TBC1D5: variants seen among roughly 807,000 people sequenced by gnomAD.
TBC1D5 encodes TBC1 domain family, member 5.
TBC1D5 carries 75 observed loss-of-function variants against 100.3 expected under a neutral mutation model. The ratio of observed to expected loss-of-function variants is 0.75; its 90% CI spans 0.62 to 0.91. TBC1D5 has a LOEUF of 0.91. TBC1D5 is among the 40% of genes least tolerant of loss of function. TBC1D5 has a pLI of 0.00. For missense variants in TBC1D5, 910 were observed against 942.4 expected (o/e 0.97, Z 0.45); for synonymous variants, 323 against 325.6 (o/e 0.99, Z 0.09).
At chr3:17,361,747 T>C (rs1222695491) in intron 13 of TBC1D5, among the ~76,000 whole-genome samples, 2 of 151,968 alleles carry the variant, frequency 1.3e-5, no homozygotes, top group East Asian at 3.9e-4. Flanking sequence ...AACCAGTGCT[T>C]AGGAAGTAAC....
intron 1 of TBC1D5, among the ~76,000 whole-genome samples, chr3:17,660,108 A>T (rs1380147109): frequency 2.0e-5 from 3 of 152,204 alleles, no homozygotes; most frequent in African/African-American, 7.2e-5. Flanking sequence ...CAATCTCCAC[A>T]TAACAAAGAA....
intron 15 of TBC1D5, among the ~76,000 whole-genome samples, chr3:17,264,956 A>G (rs1337020323): frequency 6.6e-6 from 1 of 152,244 alleles, no homozygotes; most frequent in Non-Finnish European, 1.5e-5. Context: ...TACTTCAAAT[A>G]GTTATACATG....
rs185775414 is a variant in TBC1D5 at position 17,209,968 on chromosome 3, T to C, written c.1752+4239A>G. On this transcript the variant is annotated intron_variant, in intron 18 of 21. Transcript: ENST00000253692. Reference sequence around the variant, plus strand: ...TACAAACATTATCATTCTGGGGATCTTTTTGTTTTGCTTTGGATCCTCTAT... The same window carrying C: ...TACAAACATTATCATTCTGGGGATCCTTTTGTTTTGCTTTGGATCCTCTAT... 2.1e-4 allele frequency among the ~76,000 whole-genome samples: 32 copies of C among 152,302 alleles called. No individual in the cohort carries two copies. In the East Asian group the frequency reaches 2.5e-3, roughly 12 times the overall value.
chr3:17,374,792 T>A, intron 10 of TBC1D5, 113 bp from the exon 11 acceptor site: 2 of 1,012,304 alleles, frequency 2.0e-6, no homozygotes, highest in South Asian at 1.6e-5. Context: ...ACGAAAAAAA[T>A]TAGTCTTTTT....
chr3:17,364,968 TTTAC>T (rs1559726943), intron 13 of TBC1D5, among the ~76,000 whole-genome samples: 1 of 152,188 alleles, frequency 6.6e-6, no homozygotes, highest in Non-Finnish European at 1.5e-5. Flanking sequence ...TTTTAAAACA[TTTAC>T]TTAGTGATTA....
chr3:17,514,381 G>T (rs1374694125), intron 2 of TBC1D5, among the ~76,000 whole-genome samples: 2 of 152,140 alleles, frequency 1.3e-5, no homozygotes, highest in African/African-American at 4.8e-5. Context: ...GTAAAACCCT[G>T]AAACTTTAAT....
chr3:17,199,031 A>G (rs1414122887), intron 18 of TBC1D5, among the ~76,000 whole-genome samples: 1 of 152,244 alleles, frequency 6.6e-6, no homozygotes, highest in Non-Finnish European at 1.5e-5. Context: ...TACTAAATAA[A>G]GACAGTCTCT....
At chr3:17,235,019 T>C (rs1428958730) in intron 17 of TBC1D5, among the ~76,000 whole-genome samples, 1 of 152,166 alleles carries the variant, frequency 6.6e-6, no homozygotes, top group Non-Finnish European at 1.5e-5. Flanking sequence ...TCACTGATAA[T>C]GGCGTGCCTA....
At chr3:17,458,986 C>G (rs1437425623) in intron 3 of TBC1D5, among the ~76,000 whole-genome samples, 1 of 152,116 alleles carries the variant, frequency 6.6e-6, no homozygotes, top group East Asian at 1.9e-4. Context: ...CAAAGACAAG[C>G]TGACCAAATT....
chr3:17,492,824 A>G (rs1283876542), intron 3 of TBC1D5, among the ~76,000 whole-genome samples: 2 of 152,186 alleles, frequency 1.3e-5, no homozygotes, highest in Admixed American at 6.5e-5. Flanking sequence ...GAACTTCTTG[A>G]TTTCTGAATT....
At chr3:17,369,153 C>T (rs2092331936) in intron 13 of TBC1D5, among the ~76,000 whole-genome samples, 1 of 152,068 alleles carries the variant, frequency 6.6e-6, no homozygotes, top group African/African-American at 2.4e-5. Flanking sequence ...TCTATAGCAT[C>T]ACTTTAGAAA....
chr3:17,440,432 C>G (rs1359500455), intron 3 of TBC1D5, among the ~76,000 whole-genome samples: 2 of 152,068 alleles, frequency 1.3e-5, no homozygotes, highest in East Asian at 3.9e-4. Context: ...TTGAGACCAG[C>G]CTGGGCTACA....
chr3:17,258,011 T>C (rs1040182479), intron 16 of TBC1D5, among the ~76,000 whole-genome samples: 8 of 152,154 alleles, frequency 5.3e-5, no homozygotes, highest in African/African-American at 1.9e-4. Flanking sequence ...CTTTAAAAAG[T>C]AGGATTTTAA....
chr3:17,681,307 T>C (rs951627451), intron 1 of TBC1D5, among the ~76,000 whole-genome samples: 3 of 151,636 alleles, frequency 2.0e-5, no homozygotes, highest in African/African-American at 4.9e-5. Context: ...TCCAATTGTT[T>C]AATGCACATT....
intron 2 of TBC1D5, among the ~76,000 whole-genome samples, chr3:17,534,576 A>G (rs528620963): frequency 2.6e-5 from 4 of 152,314 alleles, no homozygotes; most frequent in South Asian, 2.1e-4. Context: ...CTGAGATAGC[A>G]TATCTAGCAT....
intron 15 of TBC1D5, among the ~76,000 whole-genome samples, chr3:17,267,008 C>A (rs1490899446): frequency 6.6e-6 from 1 of 152,034 alleles, no homozygotes; most frequent in Non-Finnish European, 1.5e-5. Flanking sequence ...ATTTTACATA[C>A]TGAATAAACC....
At chr3:17,176,297 T>G (rs2067721634) in intron 19 of TBC1D5, among the ~76,000 whole-genome samples, 1 of 152,202 alleles carries the variant, frequency 6.6e-6, no homozygotes, top group Non-Finnish European at 1.5e-5. Context: ...CTAATGGCAG[T>G]TGCTATTGTA....
At chr3:17,707,418 G>C (rs1224101295) in intron 1 of TBC1D5, among the ~76,000 whole-genome samples, 1 of 151,964 alleles carries the variant, frequency 6.6e-6, no homozygotes, top group African/African-American at 2.4e-5. Context: ...CATTTTATTA[G>C]CAAAGTTCCT....
At chr3:17,693,573 T>C (rs916679095) in intron 1 of TBC1D5, among the ~76,000 whole-genome samples, 1 of 152,178 alleles carries the variant, frequency 6.6e-6, no homozygotes, top group African/African-American at 2.4e-5. Context: ...TAAACAAAGC[T>C]GCCAGGAAGC....
Sources: allele counts gnomAD v4.1 joint callset (sites outside exome capture counted in the v4.1 genomes callset), GRCh38; gene constraint gnomAD v4.1.1; transcripts MANE v1.5; gene names NCBI Gene and HGNC (gene_info 2026-07-23, HGNC 2026-07-21).